Variants in CCDC30 observed in about 807,000 individuals in gnomAD.
The protein encoded by CCDC30 is coiled-coil domain-containing protein 30.
In CCDC30, 70 loss-of-function variants were observed where a neutral mutation model predicts 100.2. That is an observed-to-expected ratio of 0.70 (90% CI 0.58 to 0.85). The LOEUF (loss-of-function observed/expected upper bound fraction) is 0.85, where lower values mean the gene tolerates loss of function less well. Ranked by LOEUF, CCDC30 falls within the 40% of genes least tolerant of loss-of-function variation. The pLI is 0.00. For synonymous variants in CCDC30, 233 were observed against 269.5 expected (o/e 0.86, Z 1.33); for missense variants, 652 against 771.2 (o/e 0.85, Z 1.83).
At chr1:42,508,808 A>C (rs1210627112) in intron 6 of CCDC30, among the ~76,000 whole-genome samples, 3 of 152,216 alleles carry the variant, frequency 2.0e-5, no homozygotes, top group Non-Finnish European at 4.4e-5. Flanking sequence ...GGAGAAAAAT[A>C]GTTCAGTTGA....
intron 2 of CCDC30, among the ~76,000 whole-genome samples, chr1:42,481,445 T>G (rs1419239680): frequency 1.3e-5 from 2 of 151,776 alleles, no homozygotes; most frequent in Non-Finnish European, 2.9e-5. Context: ...GGCATCGTGG[T>G]GCACACCTGT....
intron 11 of CCDC30, among the ~76,000 whole-genome samples, chr1:42,634,056 AATT>A (rs1411817330): frequency 3.3e-5 from 5 of 152,176 alleles, no homozygotes; most frequent in South Asian, 2.1e-4. Flanking sequence ...CCCATGATTC[AATT>A]ACCTCCCACC....
intron 3 of CCDC30, among the ~76,000 whole-genome samples, chr1:42,488,690 T>C (rs546125451): frequency 6.6e-6 from 1 of 152,352 alleles, no homozygotes; most frequent in Admixed American, 6.5e-5. Flanking sequence ...GGTAGTCTGA[T>C]ATTATCTAAA....
rs548011354 is a variant in CCDC30, at chr1:42,579,279, C to G, written c.846+2050C>G. Among the ~76,000 whole-genome samples the G allele has an allele frequency of 2.6e-5, 4 of 151,838 alleles. No homozygotes were observed. The East Asian group carries it at 5.9e-4, about 22-fold the overall frequency. On this transcript the variant is annotated intron_variant, in intron 8 of 16. Transcript: ENST00000668663. Reference sequence around the variant, plus strand: ...TGCTGGGATTACAGGCGTGAGCCGCCCTGGCTGAATTAACTTATTTTTAAG... The same window carrying G: ...TGCTGGGATTACAGGCGTGAGCCGCGCTGGCTGAATTAACTTATTTTTAAG...
At chr1:42,469,033 A>G (rs1643679921) in intron 1 of CCDC30, among the ~76,000 whole-genome samples, 1 of 152,016 alleles carries the variant, frequency 6.6e-6, no homozygotes. Context: ...AAAAAAAAAA[A>G]ACTTTCAGGG....
At chr1:42,469,305 G>A (rs1340948353) in intron 1 of CCDC30, among the ~76,000 whole-genome samples, 2 of 152,174 alleles carry the variant, frequency 1.3e-5, no homozygotes, top group East Asian at 1.9e-4. Context: ...TCACTAGAGC[G>A]CAGGAGTTTG....
chr1:42,518,630 C>A (rs942110554), intron 6 of CCDC30, among the ~76,000 whole-genome samples: 1 of 152,176 alleles, frequency 6.6e-6, no homozygotes, highest in South Asian at 2.1e-4. Context: ...ATAGGATATA[C>A]CATCTAGGTT....
In CCDC30 at chr1:42,539,154, G is replaced by A. The variant is rs1644964710; in HGVS notation, c.457-27142G>A. 1.3e-6 allele frequency: 2 copies of A among 1,535,442 alleles called. No homozygotes were observed. The highest frequency in any genetic ancestry group is 8.8e-7 in the Non-Finnish European group (1 of 1,132,158). On this transcript the variant is annotated intron_variant, in intron 6 of 16. Coordinates refer to ENST00000668663, the Ensembl canonical transcript of CCDC30. ...ATAGTCTTATTTTATTCTACTAAATGTCTTCATTTCTTAATCAGGAATTGC... is the reference window on the plus strand; with the variant it reads ...ATAGTCTTATTTTATTCTACTAAATATCTTCATTTCTTAATCAGGAATTGC...
At chr1:42,534,221 A>G (rs990843190) in intron 6 of CCDC30, among the ~76,000 whole-genome samples, 4 of 149,260 alleles carry the variant, frequency 2.7e-5, no homozygotes, top group African/African-American at 7.4e-5. Flanking sequence ...AAAGAAAATG[A>G]GGGGGGGGGT....
intron 9 of CCDC30, among the ~76,000 whole-genome samples, chr1:42,584,755 G>A (rs1227314279): frequency 6.6e-6 from 1 of 152,218 alleles, no homozygotes; most frequent in Non-Finnish European, 1.5e-5. Flanking sequence ...GCAAGAAAAT[G>A]AGGCTAGAAA....
chr1:42,557,415 A>T (rs1645391397), intron 6 of CCDC30, among the ~76,000 whole-genome samples: 1 of 152,086 alleles, frequency 6.6e-6, no homozygotes, highest in Non-Finnish European at 1.5e-5. Flanking sequence ...CCAGATGGAC[A>T]TTGGTCAGTG....
chr1:42,617,964 G>T (rs115073002), intron 11 of CCDC30, among the ~76,000 whole-genome samples: 2,566 of 152,340 alleles, frequency 0.017, 81 homozygotes, highest in African/African-American at 0.054. Context: ...CCCAAAGTTA[G>T]TTGGGCCTAC....
intron 3 of CCDC30, among the ~76,000 whole-genome samples, chr1:42,484,085 G>GTT (rs1364603378): frequency 8.7e-6 from 1 of 115,320 alleles, no homozygotes; most frequent in Non-Finnish European, 2.1e-5. Flanking sequence ...AATGTTAAAT[G>GTT]TATAAAACAA....
rs753209556 is a variant in CCDC30 at position 42,566,294 on chromosome 1, A to G, written c.457-2A>G. ...GTTTCTCTTTTAAAATGTTTGCTTT[A>G]GCATCCATCATCTGGAGAAAAACTA... On this transcript the variant is annotated splice_acceptor_variant, in intron 6 of 16. Coordinates refer to ENST00000668663, the Ensembl canonical transcript of CCDC30. LOFTEE classifies it high-confidence loss of function. The G allele has an allele frequency of 1.2e-6, 2 of 1,610,912 alleles. No individual in the cohort carries two copies. The highest frequency in any genetic ancestry group is 1.3e-5 in the African/African-American group (1 of 74,840).
intron 6 of CCDC30, among the ~76,000 whole-genome samples, chr1:42,524,652 G>A (rs1019321454): frequency 2.6e-5 from 4 of 152,260 alleles, no homozygotes; most frequent in Non-Finnish European, 4.4e-5. Context: ...ACTCCCACAC[G>A]TTGCATGCAA....
intron 7 of CCDC30, among the ~76,000 whole-genome samples, chr1:42,574,357 A>G (rs1324511779): frequency 6.6e-6 from 1 of 151,564 alleles, no homozygotes; most frequent in East Asian, 1.9e-4. Context: ...TAAAGTTTCC[A>G]TTTCATTTAA....
At chr1:42,618,117 T>C (rs995320628) in intron 11 of CCDC30, among the ~76,000 whole-genome samples, 6 of 152,128 alleles carry the variant, frequency 3.9e-5, no homozygotes, top group Non-Finnish European at 8.8e-5. Context: ...TAAACGATGT[T>C]AAAACATCAG....
rs187317820 is a variant in CCDC30, at chr1:42,640,069, G to T, written c.1420-2404G>T. 1.8e-3 allele frequency among the ~76,000 whole-genome samples: 277 copies of T among 152,232 alleles called. 2 individuals carry two copies. Among genetic ancestry groups the T allele is most frequent in the African/African-American group, 6.0e-3 (251 of 41,554 alleles). On this transcript the variant is annotated intron_variant, in intron 12 of 16. Coordinates refer to ENST00000668663, the Ensembl canonical transcript of CCDC30. The stretch of plus-strand genomic sequence containing the variant: ...AGAACGACTTAGCCTAGAGAAGACT[G>T]ATGTTAGAGCTTTTAATGCCACAGT...
intron 1 of CCDC30, among the ~76,000 whole-genome samples, chr1:42,469,840 A>G (rs1364396370): frequency 6.6e-6 from 1 of 152,152 alleles, no homozygotes; most frequent in Non-Finnish European, 1.5e-5. Flanking sequence ...GAGATGAGAT[A>G]TTCAGTTTGA....
Sources: gnomAD v4.1 joint callset for allele counts (sites outside exome capture counted in the v4.1 genomes callset) on GRCh38, gnomAD v4.1.1 for gene constraint, MANE v1.5 for transcripts, NCBI Gene and HGNC (gene_info 2026-07-23, HGNC 2026-07-21) for gene names.